Variants in C4orf36 observed in about 807,000 individuals in gnomAD.
C4orf36 encodes the protein uncharacterized protein C4orf36.
A neutral mutation model predicts 12.2 loss-of-function variants in C4orf36; 11 were observed. That is an observed-to-expected ratio of 0.90 (90% CI 0.57 to 1.49). The LOEUF is 1.49. Ranked by LOEUF, C4orf36 falls within the 40% of genes most tolerant of loss-of-function variation. The pLI, the probability that C4orf36 is intolerant of heterozygous loss-of-function variation, is 0.00. For missense variants in C4orf36, 137 were observed against 133.9 expected, an observed-to-expected ratio of 1.02 and a Z score of -0.11; for synonymous variants, 54 against 51.3, an observed-to-expected ratio of 1.05 and a Z score of -0.22.
intron 4 of C4orf36, among the ~76,000 whole-genome samples, chr4:86,879,063 G>T (rs535931904): frequency 6.6e-6 from 1 of 152,074 alleles, no homozygotes; most frequent in African/African-American, 2.4e-5. Flanking sequence ...TTTTTTATTT[G>T]GTTTGGGGGG....
the C4orf36 span, among the ~76,000 whole-genome samples, chr4:86,922,429 T>G: frequency 6.6e-6 from 1 of 152,238 alleles, no homozygotes; most frequent in African/African-American, 2.4e-5. Flanking sequence ...ACTGTGCCAG[T>G]TATCAATTTA....
the C4orf36 span, chr4:86,914,209 T>C: frequency 6.3e-7 from 1 of 1,596,070 alleles, no homozygotes; most frequent in East Asian, 2.2e-5. Context: ...GCACAGTTAA[T>C]TCTCAGGATC....
At chr4:86,920,397 C>T in the C4orf36 span, among the ~76,000 whole-genome samples, 1 of 152,178 alleles carries the variant, frequency 6.6e-6, no homozygotes, top group Admixed American at 6.5e-5. Flanking sequence ...TCTTTTTAGC[C>T]TCTACCCATT....
chr4:86,880,117 C>A (rs12503661), intron 4 of C4orf36, among the ~76,000 whole-genome samples: 15 of 152,142 alleles, frequency 9.9e-5, no homozygotes, highest in Non-Finnish European at 1.8e-4. Context: ...GCCTCCCAAC[C>A]TTCTGGGATT....
At chr4:86,917,650 G>A in the C4orf36 span, among the ~76,000 whole-genome samples, 604 of 151,862 alleles carry the variant, frequency 4.0e-3, 1 homozygote, top group African/African-American at 0.014. Context: ...AAGGAGGAAG[G>A]AAGGAAAGAA....
chr4:86,899,952 G>A, the C4orf36 span, among the ~76,000 whole-genome samples: 1 of 152,070 alleles, frequency 6.6e-6, no homozygotes, highest in African/African-American at 2.4e-5. Context: ...CAAGCAGAGT[G>A]TGACAATTAA....
At chr4:86,918,722 G>A in the C4orf36 span, among the ~76,000 whole-genome samples, 1 of 152,054 alleles carries the variant, frequency 6.6e-6, no homozygotes, top group African/African-American at 2.4e-5. Flanking sequence ...TGGAACCCAG[G>A]GGATTTCCTG....
intron 3 of C4orf36, 22 bp from the exon 4 acceptor site, chr4:86,887,915 A>G: frequency 6.2e-7 from 1 of 1,613,590 alleles, no homozygotes; most frequent in Non-Finnish European, 8.5e-7. Context: ...AATACACAAA[A>G]CAATCTGACA....
At position 86,891,505 on chromosome 4, in the gene C4orf36, G is replaced by C. The variant is rs1488012984; in HGVS notation, c.16C>G (p.Pro6Ala). The change falls in exon 2 of 5, where the codon CCA (proline) becomes GCA (alanine). Residue 6 changes from proline to alanine, a missense_variant. Pro to Ala is a conservative substitution (Grantham distance 27). Coordinates refer to ENST00000295898, the MANE Select transcript of C4orf36 (RefSeq NM_144645.4). ...ATGGTTTTCACTGTGTTCTTTCTTG[G>C]CACTCCATACGCCATGGTGAGTTAT... MAYGV[P>A]RKNTVKTILR... 1.2e-6 allele frequency: 2 copies of C among 1,613,756 alleles called. No homozygotes were observed. Among genetic ancestry groups the C allele is most frequent in the Non-Finnish European group, 1.7e-6 (2 of 1,179,960 alleles).
intron 2 of C4orf36, among the ~76,000 whole-genome samples, chr4:86,888,619 G>A (rs1747273185): frequency 6.6e-6 from 1 of 152,134 alleles, no homozygotes; most frequent in Admixed American, 6.5e-5. Context: ...TATTGAAGAA[G>A]GAAAGAAGGG....
the C4orf36 span, among the ~76,000 whole-genome samples, chr4:86,905,838 C>A: frequency 1.3e-5 from 2 of 151,996 alleles, no homozygotes; most frequent in Non-Finnish European, 2.9e-5. Flanking sequence ...CCTCAGCCTC[C>A]CGAGTACCTG....
chr4:86,887,895 T>C lies in C4orf36; in HGVS notation c.221-2A>G. ...CATACTCCCTTTCGAGTTTGATAGC[T>C]GAAAAAGAAAATACACAAAACAATC... On this transcript the variant is annotated splice_acceptor_variant, in intron 3 of 4. Coordinates refer to ENST00000295898, the MANE Select transcript of C4orf36 (RefSeq NM_144645.4). LOFTEE classifies it high-confidence loss of function. 6.2e-7 allele frequency: 1 copy of C among 1,613,818 alleles called. No homozygotes were observed. The highest frequency in any genetic ancestry group is 8.5e-7 in the Non-Finnish European group (1 of 1,179,944).
chr4:86,901,242 A>G, the C4orf36 span, among the ~76,000 whole-genome samples: 2 of 151,876 alleles, frequency 1.3e-5, no homozygotes, highest in South Asian at 2.1e-4. Context: ...TCGGCCTCCC[A>G]AAGTGCTGGG....
At chr4:86,900,701 A>G in the C4orf36 span, among the ~76,000 whole-genome samples, 1 of 21,342 alleles carries the variant, frequency 4.7e-5, no homozygotes, top group Admixed American at 8.7e-4. Flanking sequence ...GAGAGTAGAG[A>G]AGCTGCCCGC....
At chr4:86,909,588 T>A in the C4orf36 span, among the ~76,000 whole-genome samples, 1 of 152,200 alleles carries the variant, frequency 6.6e-6, no homozygotes, top group Admixed American at 6.5e-5. Context: ...AGATTTAGAT[T>A]TATGAGGTAT....
chr4:86,925,356 G>C, the C4orf36 span: 3 of 152,094 alleles, frequency 2.0e-5, no homozygotes, highest in Non-Finnish European at 2.9e-5. Flanking sequence ...CAAGTAGCTA[G>C]GATTATGGGC....
the C4orf36 span, among the ~76,000 whole-genome samples, chr4:86,905,710 CT>C: frequency 7.7e-3 from 1,072 of 138,648 alleles, 6 homozygotes; most frequent in African/African-American, 0.022. Context: ...TTCTGAGGTC[CT>C]TTTTTTTTTT....
the C4orf36 span, among the ~76,000 whole-genome samples, chr4:86,922,252 T>C: frequency 1.1e-4 from 16 of 152,200 alleles, no homozygotes; most frequent in Admixed American, 9.8e-4. Flanking sequence ...TTGTTATTAG[T>C]TTTCTACAAC....
At chr4:86,887,709 A>G (rs745514275) in intron 4 of C4orf36, 49 bp downstream of exon 4, 1 of 1,610,472 alleles carries the variant, frequency 6.2e-7, no homozygotes, top group Non-Finnish European at 8.5e-7. Context: ...AGAGACCTTC[A>G]TGCCCTTTGG....
Sources: gnomAD v4.1 joint callset for allele counts (sites outside exome capture counted in the v4.1 genomes callset) on GRCh38, gnomAD v4.1.1 for gene constraint, MANE v1.5 for transcripts, NCBI Gene and HGNC (gene_info 2026-07-23, HGNC 2026-07-21) for gene names.